MET: variants seen among roughly 807,000 people sequenced by gnomAD.
MET encodes hepatocyte growth factor receptor.
In MET, 48 loss-of-function variants were observed where a neutral mutation model predicts 133.1. The ratio of observed to expected loss-of-function variants is 0.36; its 90% CI spans 0.29 to 0.46. MET has a LOEUF of 0.46. Ranked by LOEUF, MET falls within the 20% of genes least tolerant of loss-of-function variation. The probability of loss-of-function intolerance (pLI) is 1.00; values close to 1 mark genes in which losing one functional copy is unlikely to be tolerated. For synonymous variants in MET, 628 were observed against 616.5 expected (o/e 1.02, Z -0.28); for missense variants, 1,442 against 1,695.9 (o/e 0.85, Z 2.63).
intron 15 of MET, among the ~76,000 whole-genome samples, chr7:116,775,868 G>C (rs1794979527): frequency 1.3e-5 from 2 of 152,256 alleles, no homozygotes; most frequent in Admixed American, 1.3e-4. Flanking sequence ...AGAAGACAGA[G>C]AATTTATAGC....
At chr7:116,783,229 T>G in intron 18 of MET, 75 bp from the exon 19 acceptor site, 3 of 1,564,884 alleles carry the variant, frequency 1.9e-6, no homozygotes, top group Non-Finnish European at 2.6e-6. Flanking sequence ...GCCACTTGTT[T>G]AATCTGTAGA....
Position 116,796,681 on chromosome 7 carries a change from G to A in MET, c.*557G>A, listed in dbSNP as rs1195357465. 1 of 246,154 alleles carries A rather than the reference G, an allele frequency of 4.1e-6. No homozygotes were observed. The highest frequency in any genetic ancestry group is 2.2e-5 in the African/African-American group (1 of 44,838). The allele number at this position is 246,154 out of a possible 1,614,324, so 15.2% of individuals were successfully genotyped here. ...GACAGGATCTCACTCTGTTGCCAGG[G>A]CTGTAGTGCAGTGGTGTGATCATAG... On this transcript the variant is annotated 3_prime_UTR_variant, in exon 21 of 21. Transcript: ENST00000397752.
chr7:116,682,144 A>T (rs1390972971), intron 1 of MET, among the ~76,000 whole-genome samples: 3 of 152,242 alleles, frequency 2.0e-5, no homozygotes, highest in Non-Finnish European at 2.9e-5. Flanking sequence ...TACCAAAAAA[A>T]AATTGTTCTT....
At chr7:116,715,466 C>A (rs1460020143) in intron 2 of MET, among the ~76,000 whole-genome samples, 1 of 152,232 alleles carries the variant, frequency 6.6e-6, no homozygotes, top group African/African-American at 2.4e-5. Flanking sequence ...TCATTGAATT[C>A]AGGGCACTCA....
intron 1 of MET, among the ~76,000 whole-genome samples, chr7:116,676,200 T>C (rs2116443964): frequency 6.6e-6 from 1 of 152,352 alleles, no homozygotes; most frequent in East Asian, 1.9e-4. Context: ...TTTATGTAGG[T>C]TACTCCCATT....
chr7:116,706,338 A>G (rs571208389), intron 2 of MET, among the ~76,000 whole-genome samples: 15 of 152,264 alleles, frequency 9.9e-5, no homozygotes, highest in Admixed American at 3.3e-4. Context: ...TAAAACTGAT[A>G]TCGCAAACGG....
chr7:116,769,536 G>A, intron 11 of MET, 109 bp from the exon 12 acceptor site: 2 of 1,395,638 alleles, frequency 1.4e-6, no homozygotes, highest in Non-Finnish European at 2.0e-6. Context: ...GTGTGCCTTG[G>A]CAAACAACAT....
chr7:116,694,646 T>A lies in MET; in HGVS notation c.-14-4425T>A, dbSNP rs1796895418. Among the ~76,000 whole-genome samples, 5 of 152,278 alleles carry A rather than the reference T, an allele frequency of 3.3e-5. No homozygotes were observed. In the South Asian group the frequency reaches 1.0e-3, roughly 32 times the overall value. On this transcript the variant is annotated intron_variant, in intron 1 of 20. Transcript: ENST00000397752. ...TGCGAACCTTAAGATATGAATCTTA[T>A]TTTAAAAACATAATTTAATATAATA...
rs200754673 is a variant in MET, at chr7:116,778,943, C to T, written c.3508C>T (p.Arg1170Ter). The T allele has an allele frequency of 2.5e-6, 4 of 1,613,566 alleles. No individual in the cohort carries two copies. The highest frequency in any genetic ancestry group is 1.7e-5 in the Admixed American group (1 of 59,984). ...ACATGGAGATCTTCGAAATTTCATT[C>T]GAAATGAGACTCATGTAAGTTGACT... Reference protein sequence around the residue: ...MKHGDLRNFIRNETHNPTVKD... With the variant: ...MKHGDLRNFI The change falls in exon 17 of 21, where the codon CGA (arginine) becomes TGA (stop). Residue 1170 changes from arginine (R) to a stop codon, truncating the protein, a stop_gained. Transcript: ENST00000397752. LOFTEE classifies it high-confidence loss of function.
intron 1 of MET, among the ~76,000 whole-genome samples, chr7:116,684,954 A>G (rs1305628153): frequency 1.3e-5 from 2 of 152,200 alleles, no homozygotes; most frequent in Non-Finnish European, 2.9e-5. Context: ...ATGAAGTGAC[A>G]CTGCCCTGAC....
intron 4 of MET, among the ~76,000 whole-genome samples, chr7:116,740,627 G>A (rs893737485): frequency 1.3e-5 from 2 of 152,082 alleles, no homozygotes; most frequent in Non-Finnish European, 2.9e-5. Context: ...TATGCTCACT[G>A]GACAATAATG....
At position 116,708,991 on chromosome 7, in the gene MET, T is replaced by C. The variant is rs1791896991; in HGVS notation, c.1200+8707T>C. The stretch of plus-strand genomic sequence containing the variant: ...TCCCAAGTCACATTGTCTTTCTGCC[T>C]CTGTGCACTGTACTCTGCACAATTG... On this transcript the variant is annotated intron_variant, in intron 2 of 20. Transcript: ENST00000397752. Among the ~76,000 whole-genome samples the C allele has an allele frequency of 2.0e-5, 3 of 152,192 alleles. No individual in the cohort carries two copies. The South Asian group carries it at 6.2e-4, about 31-fold the overall frequency.
chr7:116,775,974 C>T (rs181341965), intron 15 of MET, among the ~76,000 whole-genome samples: 50 of 151,796 alleles, frequency 3.3e-4, no homozygotes, highest in Admixed American at 2.8e-3. Flanking sequence ...CTAGCCAAAG[C>T]AGCAATAACA....
At chr7:116,711,883 A>G (rs1792014955) in intron 2 of MET, among the ~76,000 whole-genome samples, 1 of 152,170 alleles carries the variant, frequency 6.6e-6, no homozygotes, top group Non-Finnish European at 1.5e-5. Flanking sequence ...GTAAATGTTA[A>G]ACTCTGGGGG....
chr7:116,780,922 T>TA (rs1434283880), intron 17 of MET, among the ~76,000 whole-genome samples: 7 of 152,246 alleles, frequency 4.6e-5, no homozygotes, highest in African/African-American at 1.4e-4. Flanking sequence ...TCTTGGGCCT[T>TA]ACTAACCCTG....
At chr7:116,723,509 G>T (rs1360951820) in intron 2 of MET, among the ~76,000 whole-genome samples, 3 of 152,190 alleles carry the variant, frequency 2.0e-5, no homozygotes, top group Non-Finnish European at 4.4e-5. Flanking sequence ...ATCCAGCTTT[G>T]TTCCGTTGCT....
intron 3 of MET, among the ~76,000 whole-genome samples, chr7:116,733,362 A>T (rs1394183208): frequency 4.7e-5 from 7 of 150,198 alleles, no homozygotes; most frequent in Non-Finnish European, 7.4e-5. Context: ...TTTTTTTTTC[A>T]AAATCGTCCA....
chr7:116,775,102 A>G lies in MET; in HGVS notation c.3250A>G (p.Ile1084Val), dbSNP rs757539632. 8 of 1,614,018 alleles carry G rather than the reference A, an allele frequency of 5.0e-6. No individual in the cohort carries two copies. Among genetic ancestry groups the G allele is most frequent in the Middle Eastern group, 1.6e-4 (1 of 6,084 alleles). The stretch of plus-strand genomic sequence containing the variant: ...CCTGATTGTGCATTTCAATGAAGTC[A>G]TAGGAAGAGGTAAGTATTTCCACTC... Reference protein sequence around the residue: ...SSLIVHFNEVIGRGHFGCVYH... With the variant: ...SSLIVHFNEVVGRGHFGCVYH... The change falls in exon 15 of 21, where the codon ATA (isoleucine) becomes GTA (valine). Residue 1084 changes from isoleucine (I) to valine (V), a missense_variant. Transcript: ENST00000397752.
intron 1 of MET, among the ~76,000 whole-genome samples, chr7:116,691,634 G>GTCTGGGCTC (rs1345774417): frequency 6.6e-6 from 1 of 152,186 alleles, no homozygotes; most frequent in East Asian, 1.9e-4. Flanking sequence ...CTCCCTCCGT[G>GTCTGGGCTC]TCTGGGCTCT....
Sources: allele counts gnomAD v4.1 joint callset (sites outside exome capture counted in the v4.1 genomes callset), GRCh38; gene constraint gnomAD v4.1.1; transcripts MANE v1.5; gene names NCBI Gene and HGNC (gene_info 2026-07-23, HGNC 2026-07-21).